USP30: variants seen among roughly 807,000 people sequenced by gnomAD.
USP30 encodes ubiquitin carboxyl-terminal hydrolase 30.
Under a neutral mutation model 68.2 loss-of-function variants are expected in USP30, and 41 were observed. That is an observed-to-expected ratio of 0.60 (90% CI 0.47 to 0.78). The LOEUF is 0.78. Among genes scored for constraint, USP30 ranks in the 30% least tolerant of loss-of-function variants. USP30 has a pLI of 0.00. For synonymous variants in USP30, 229 were observed against 253.7 expected (o/e 0.90, Z 0.93); for missense variants, 522 against 649.4 (o/e 0.80, Z 2.13).
intron 3 of USP30, among the ~76,000 whole-genome samples, chr12:109,030,614 C>T (rs558535241): frequency 6.6e-6 from 1 of 152,174 alleles, no homozygotes; most frequent in Admixed American, 6.5e-5. Context: ...AGGTAGGTTG[C>T]TTGTTTGTTT....
intron 4 of USP30, among the ~76,000 whole-genome samples, chr12:109,068,639 G>T (rs2041335397): frequency 6.6e-6 from 1 of 152,180 alleles, no homozygotes; most frequent in Non-Finnish European, 1.5e-5. Context: ...TCCCTAAACT[G>T]AGAGAATAAC....
upstream of USP30, among the ~76,000 whole-genome samples, chr12:109,051,934 A>G (rs1944144389): frequency 6.6e-6 from 1 of 152,180 alleles, no homozygotes; most frequent in African/African-American, 2.4e-5. Flanking sequence ...TGGCTCCTGT[A>G]TATTTCTGTT....
chr12:109,070,726 AT>A lies in USP30; in HGVS notation c.481-883del, dbSNP rs2041412607. ...GGCTTGGGTTTTTGGGGAGAGAGCC[AT>A]TTGAGTTGATCCTTCAAGAGTAGTC... On this transcript the variant is annotated intron_variant, in intron 4 of 12. Coordinates refer to ENST00000257548, the MANE Select transcript of USP30 (RefSeq NM_032663.5). This position sits in a 1 kb window ranked among gnomAD's most constrained non-coding sequence, Gnocchi z 4.0. Among the ~76,000 whole-genome samples, 1 of 152,146 alleles carries A rather than the reference AT, an allele frequency of 6.6e-6. No homozygotes were observed. The highest frequency in any genetic ancestry group is 1.5e-5 in the Non-Finnish European group (1 of 68,006).
intron 8 of USP30, 160 bp from the exon 9 acceptor site, chr12:109,081,773 T>C: frequency 1.4e-6 from 1 of 727,292 alleles, no homozygotes; most frequent in Non-Finnish European, 2.3e-6. Context: ...CTAGGGTGCT[T>C]TGAGCCCCAT....
intron 7 of USP30, among the ~76,000 whole-genome samples, chr12:109,079,224 A>G (rs1428599719): frequency 6.7e-6 from 1 of 150,270 alleles, no homozygotes; most frequent in Non-Finnish European, 1.5e-5. Context: ...CAGGTCACTG[A>G]GGTCTTGTTC....
intron 4 of USP30, among the ~76,000 whole-genome samples, chr12:109,071,121 G>T (rs2041425674): frequency 6.6e-6 from 1 of 152,176 alleles, no homozygotes; most frequent in South Asian, 2.1e-4. Context: ...AGGGGTTGGG[G>T]AAGGGGAAAT....
At chr12:109,038,485 A>C (rs1411692004) in intron 3 of USP30, among the ~76,000 whole-genome samples, 1 of 151,778 alleles carries the variant, frequency 6.6e-6, no homozygotes, top group African/African-American at 2.4e-5. Context: ...TTTCCCTTTT[A>C]AGCTTTTTGC....
At position 109,082,643 on chromosome 12, in the gene USP30, A is replaced by T; in HGVS notation, c.868-20A>T. 1 of 1,612,938 alleles carries T rather than the reference A, an allele frequency of 6.2e-7. No homozygotes were observed. Among genetic ancestry groups the T allele is most frequent in the Non-Finnish European group, 8.5e-7 (1 of 1,179,246 alleles). ...TCCTATTTTAGGCATTGCTGCAGAG[A>T]AATGTTCCTTTTATTTCAGATTGAA... On this transcript the variant is annotated intron_variant, in intron 9 of 12. Transcript: ENST00000257548.
chr12:109,054,818 T>G (rs1042552154), intron 1 of USP30: 3 of 152,224 alleles, frequency 2.0e-5, no homozygotes, highest in Non-Finnish European at 4.4e-5. Context: ...TAACCAAGTT[T>G]GGTGCATATT....
chr12:109,044,970 C>T (rs2040591607), intron 3 of USP30, among the ~76,000 whole-genome samples: 2 of 147,994 alleles, frequency 1.4e-5, no homozygotes, highest in African/African-American at 2.5e-5. Flanking sequence ...CTTTTCATTA[C>T]CAAGTAAGGT....
intron 1 of USP30, chr12:109,054,076 T>G: frequency 2.2e-6 from 1 of 455,902 alleles, no homozygotes; most frequent in South Asian, 1.6e-5. Context: ...AGAGAGTATG[T>G]ACCCTTAAAT....
rs772352184 is a variant in USP30 at position 109,067,640 on chromosome 12, T to C, written c.480+13T>C. On this transcript the variant is annotated intron_variant, in intron 4 of 12. Transcript: ENST00000257548. ...ATTTGAAGAACAGGTGAGTACAACA[T>C]TTGAACAGGTTTAGCTTGGAGAATC... The C allele has an allele frequency of 6.2e-7, 1 of 1,610,724 alleles. No individual in the cohort carries two copies. Among genetic ancestry groups the C allele is most frequent in the African/African-American group, 1.3e-5 (1 of 74,858 alleles).
At chr12:109,058,192 A>G in intron 3 of USP30, 84 bp downstream of exon 3, 2 of 1,343,518 alleles carry the variant, frequency 1.5e-6, no homozygotes, top group African/African-American at 1.5e-5. Context: ...AAGAGTTAAT[A>G]CCTTATTGTA....
rs1237130709 is a variant in USP30, at chr12:109,052,613, C to T, written c.-66C>T. Reference sequence around the variant, plus strand: ...TCCGCTGTCTCGGGAACCGTCGTATCCCTCGGTCCGGCGGCGGCGGCGGCG... The same window carrying T: ...TCCGCTGTCTCGGGAACCGTCGTATTCCTCGGTCCGGCGGCGGCGGCGGCG... On this transcript the variant is annotated 5_prime_UTR_variant, in exon 1 of 13. Transcript: ENST00000257548. The T allele has an allele frequency of 2.3e-5, 26 of 1,125,286 alleles. No homozygotes were observed. The highest frequency in any genetic ancestry group is 3.5e-5 in the Admixed American group (1 of 28,248). 69.7% of individuals were successfully genotyped at this position (1,125,286 alleles called of 1,614,324 possible).
chr12:109,032,690 C>T (rs7967169), intron 3 of USP30, among the ~76,000 whole-genome samples: 3 of 152,048 alleles, frequency 2.0e-5, no homozygotes, highest in African/African-American at 7.3e-5. Context: ...ATACATATGA[C>T]GACTCTTTTA....
chr12:109,082,067 G>C lies in USP30; in HGVS notation c.867+48G>C. ...CATCGCCAGCTGGCCTGTGTGTGCT[G>C]ATGTAGCGCCTCTCACACCAGTGAC... On this transcript the variant is annotated intron_variant, in intron 9 of 12. Coordinates refer to ENST00000257548, the MANE Select transcript of USP30 (RefSeq NM_032663.5). 3 of 1,590,304 alleles carry C rather than the reference G, an allele frequency of 1.9e-6. No individual in the cohort carries two copies. The South Asian group carries it at 3.3e-5, about 18-fold the overall frequency.
chr12:109,032,617 G>C (rs2040490509), intron 3 of USP30, among the ~76,000 whole-genome samples: 1 of 152,214 alleles, frequency 6.6e-6, no homozygotes, highest in African/African-American at 2.4e-5. Flanking sequence ...CATAGAGACA[G>C]AGAGTAGATC....
intron 12 of USP30, among the ~76,000 whole-genome samples, chr12:109,085,299 A>AT (rs1274082538): frequency 2.4e-4 from 36 of 152,196 alleles, no homozygotes; most frequent in Admixed American, 2.4e-3. Flanking sequence ...GTATGTGTGT[A>AT]TATATGTGTG....
intron 3 of USP30, among the ~76,000 whole-genome samples, chr12:109,031,613 A>G (rs2040481489): frequency 6.6e-6 from 1 of 152,258 alleles, no homozygotes; most frequent in African/African-American, 2.4e-5. Context: ...GTCCATCAAT[A>G]GATGAATGGA....
Sources: gnomAD v4.1 joint callset for allele counts (sites outside exome capture counted in the v4.1 genomes callset) on GRCh38, gnomAD v4.1.1 for gene constraint, Gnocchi (gnomAD v3.1) non-coding constraint, MANE v1.5 for transcripts, NCBI Gene and HGNC (gene_info 2026-07-23, HGNC 2026-07-21) for gene names.